HNRNPR: variants seen among roughly 807,000 people sequenced by gnomAD.
The protein encoded by HNRNPR is heterogeneous nuclear ribonucleoprotein R.
In HNRNPR, 4 loss-of-function variants were observed where a neutral mutation model predicts 70.3. The ratio of observed to expected loss-of-function variants is 0.06; its 90% CI spans 0.03 to 0.13. The LOEUF (loss-of-function observed/expected upper bound fraction) is 0.13, where lower values mean the gene tolerates loss of function less well. HNRNPR is among the 10% of genes least tolerant of loss of function. HNRNPR has a pLI of 1.00. For missense variants in HNRNPR, 423 were observed against 788.5 expected, an observed-to-expected ratio of 0.54 and a Z score of 5.55; for synonymous variants, 241 against 267.6, an observed-to-expected ratio of 0.90 and a Z score of 0.97.
At chr1:23,339,903 C>G (rs1054713580) in intron 2 of HNRNPR, among the ~76,000 whole-genome samples, 8 of 152,146 alleles carry the variant, frequency 5.3e-5, no homozygotes, top group African/African-American at 1.9e-4. Context: ...TGCCAATTCT[C>G]TATGGCAGAA....
chr1:23,328,141 T>C (rs1169011559), intron 5 of HNRNPR, among the ~76,000 whole-genome samples: 3 of 151,996 alleles, frequency 2.0e-5, no homozygotes, highest in Admixed American at 6.6e-5. Flanking sequence ...ATGGCTAGAA[T>C]GAAAGTGACA....
chr1:23,343,843 C>T (rs935699675), intron 1 of HNRNPR, among the ~76,000 whole-genome samples: 16 of 152,174 alleles, frequency 1.1e-4, no homozygotes, highest in Admixed American at 2.0e-4. Context: ...GGGAGCGAAG[C>T]GGCTCCGGCG....
chr1:23,327,654 C>T (rs1646044060), intron 5 of HNRNPR, among the ~76,000 whole-genome samples: 1 of 151,958 alleles, frequency 6.6e-6, no homozygotes, highest in Admixed American at 6.6e-5. Context: ...CACGCCACTG[C>T]ACTCCAGCCT....
chr1:23,334,922 G>GTT (rs1557919830), intron 4 of HNRNPR, among the ~76,000 whole-genome samples: 1 of 151,346 alleles, frequency 6.6e-6, no homozygotes, highest in African/African-American at 2.4e-5. Flanking sequence ...CAGTTTTTTT[G>GTT]GTTTTTTTTT....
intron 5 of HNRNPR, among the ~76,000 whole-genome samples, 161 bp downstream of exon 5, chr1:23,333,357 T>C (rs1361195580): frequency 2.0e-5 from 3 of 152,144 alleles, no homozygotes; most frequent in African/African-American, 4.8e-5. Context: ...AGATTATCCA[T>C]CCTCATGATG....
Position 23,309,373 on chromosome 1 carries a change from T to C in HNRNPR, c.*1081A>G, listed in dbSNP as rs1645256176. ...AATTTTCCCTGTATGTACATTCACT[T>C]ATCCAGCAAATAAGGTCTTCAGTCA... On this transcript the variant is annotated 3_prime_UTR_variant, in exon 11 of 11. Transcript: ENST00000302271. 1 of 152,158 alleles carries C rather than the reference T, an allele frequency of 6.6e-6. No individual in the cohort carries two copies. The highest frequency in any genetic ancestry group is 6.6e-5 in the Admixed American group (1 of 15,266). 9.4% of individuals were successfully genotyped at this position (152,158 alleles called of 1,614,324 possible). A position where few individuals can be genotyped will look rare whatever the true frequency, so the allele number is the denominator to read the frequency against.
intron 4 of HNRNPR, among the ~76,000 whole-genome samples, chr1:23,335,333 T>C (rs769540630): frequency 1.3e-5 from 2 of 152,210 alleles, no homozygotes; most frequent in African/African-American, 2.4e-5. Context: ...CTTCTACCTT[T>C]GACTGAAACA....
chr1:23,342,668 T>C (rs1281355575), intron 1 of HNRNPR, among the ~76,000 whole-genome samples: 1 of 152,056 alleles, frequency 6.6e-6, no homozygotes, highest in Admixed American at 6.6e-5. Context: ...TGCTCCCCCA[T>C]CCCCACATAC....
rs184698286 is a variant in HNRNPR, at chr1:23,323,539, G to C, written c.675+17C>G. On this transcript the variant is annotated intron_variant, in intron 6 of 10. Transcript: ENST00000302271. ...TCAAATAGTGACTTGCTAAGACAGT[G>C]GATAATTATCACATACCAGTTTCAC... is the stretch of plus-strand genomic sequence containing the variant. 11,512 of 1,603,312 alleles carry C rather than the reference G, an allele frequency of 7.2e-3. 86 individuals are homozygous for C. Among genetic ancestry groups the C allele is most frequent in the South Asian group, 0.029 (2,646 of 90,524 alleles).
At chr1:23,322,338 T>G (rs774215901) in intron 6 of HNRNPR, among the ~76,000 whole-genome samples, 4 of 151,978 alleles carry the variant, frequency 2.6e-5, no homozygotes, top group Middle Eastern at 3.2e-3. Context: ...TGGGTTGAAG[T>G]GATTCTCCTG....
rs1400186859 is a variant in HNRNPR at position 23,318,817 on chromosome 1, T to C, written c.812-129A>G. On this transcript the variant is annotated intron_variant, in intron 7 of 10. Transcript: ENST00000302271. This position sits in a 1 kb window ranked among gnomAD's most constrained non-coding sequence, Gnocchi z 4.2. ...CAGCCTCAACATGAGTCACTAATTT[T>C]GTAGACAATTAGATCAACATAATTA... 2 of 743,436 alleles carry C rather than the reference T, an allele frequency of 2.7e-6. No homozygotes were observed. The highest frequency in any genetic ancestry group is 2.5e-5 in the Admixed American group (1 of 39,276). 46.1% of individuals were successfully genotyped at this position (743,436 alleles called of 1,614,324 possible). A position where few individuals can be genotyped will look rare whatever the true frequency, so the allele number is the denominator to read the frequency against.
intron 6 of HNRNPR, among the ~76,000 whole-genome samples, chr1:23,322,290 C>T (rs1645792067): frequency 1.3e-5 from 2 of 151,362 alleles, no homozygotes; most frequent in African/African-American, 2.4e-5. Context: ...AGCTGGAGGG[C>T]AGTAGCATGA....
rs1282819863 is a variant in HNRNPR at position 23,323,744 on chromosome 1, C to T, written c.499-12G>A. 13 of 1,610,702 alleles carry T rather than the reference C, an allele frequency of 8.1e-6. No individual in the cohort carries two copies. The highest frequency in any genetic ancestry group is 1.1e-5 in the Non-Finnish European group (13 of 1,176,976). Reference sequence around the variant, plus strand: ...TTGCCTACAAATACCTGAAATAAAACCCCCTTATTAGAATCCAACATAAGC... The same window carrying T: ...TTGCCTACAAATACCTGAAATAAAATCCCCTTATTAGAATCCAACATAAGC... On this transcript the variant is annotated splice_polypyrimidine_tract_variant and intron_variant, in intron 5 of 10. Transcript: ENST00000302271.
chr1:23,336,190 G>A (rs535520217), intron 4 of HNRNPR, among the ~76,000 whole-genome samples: 2 of 151,170 alleles, frequency 1.3e-5, no homozygotes, highest in South Asian at 4.2e-4. Flanking sequence ...TTTGGGGAGG[G>A]TGAGGTAGGC....
In HNRNPR at chr1:23,310,805, C is replaced by A. The variant is rs750940332; in HGVS notation, c.1551G>T (p.Gly517=). Residue 517 remains glycine, a synonymous_variant, in exon 11 of 11, where the codon GGG becomes GGT. Coordinates refer to ENST00000302271, the MANE Select transcript of HNRNPR (RefSeq NM_005826.5). The surrounding 1 kb of genome is among the most constrained non-coding windows in gnomAD (Gnocchi z 6.0). ...GGRGAPPPPR[G]RGAPPPRGRA... ...TACCTCTTGGAGGTGGTGCTCCCCTCCCCCTTGGTGGTGGTGGAGCACCTC... is the reference window on the plus strand; with the variant it reads ...TACCTCTTGGAGGTGGTGCTCCCCTACCCCTTGGTGGTGGTGGAGCACCTC... 6.2e-7 allele frequency: 1 copy of A among 1,614,038 alleles called. No individual in the cohort carries two copies. The highest frequency in any genetic ancestry group is 2.2e-5 in the East Asian group (1 of 44,878).
chr1:23,316,773 G>A (rs1369362222), intron 8 of HNRNPR, among the ~76,000 whole-genome samples: 1 of 151,992 alleles, frequency 6.6e-6, no homozygotes, highest in Non-Finnish European at 1.5e-5. Context: ...GAAACAATAG[G>A]AATTAAAATC....
chr1:23,340,985 A>G lies in HNRNPR; in HGVS notation c.24T>C (p.Asn8=). 1 of 1,611,498 alleles carries G rather than the reference A, an allele frequency of 6.2e-7. No individual in the cohort carries two copies. The highest frequency in any genetic ancestry group is 8.5e-7 in the Non-Finnish European group (1 of 1,179,070). Residue 8 remains asparagine, a synonymous_variant, in exon 2 of 11, where the codon AAT becomes AAC. Transcript: ENST00000302271. The part of the protein sequence containing the change: MANQVNG[N]AVQLKEEEEP... ...CTTCCTCTTCTTTTAACTGTACCGC[A>G]TTACCATTCACCTGATTAGCCATTT...
intron 4 of HNRNPR, among the ~76,000 whole-genome samples, chr1:23,333,939 A>G (rs1646350377): frequency 6.6e-6 from 1 of 151,824 alleles, no homozygotes; most frequent in African/African-American, 2.4e-5. Flanking sequence ...TTTGAGATGG[A>G]GTCTTGCTCT....
intron 4 of HNRNPR, among the ~76,000 whole-genome samples, chr1:23,334,868 A>G (rs980197583): frequency 6.6e-5 from 10 of 152,198 alleles, no homozygotes; most frequent in Non-Finnish European, 1.2e-4. Flanking sequence ...ATACAATGGT[A>G]AACAAAGAAA....
Sources: allele counts gnomAD v4.1 joint callset (sites outside exome capture counted in the v4.1 genomes callset), GRCh38; gene constraint gnomAD v4.1.1; non-coding constraint Gnocchi (gnomAD v3.1); transcripts MANE v1.5; gene names NCBI Gene and HGNC (gene_info 2026-07-23, HGNC 2026-07-21).